Variants in MUSK observed in about 807,000 individuals in gnomAD.
MUSK encodes muscle associated receptor tyrosine kinase, also known as muscle, skeletal receptor tyrosine-protein kinase.
Under a neutral mutation model 88.7 loss-of-function variants are expected in MUSK, and 55 were observed. The observed-to-expected ratio is 0.62, with a 90% CI of 0.50 to 0.78. MUSK has a LOEUF of 0.78. MUSK is among the 30% of genes least tolerant of loss of function. The pLI, the probability that MUSK is intolerant of heterozygous loss-of-function variation, is 0.00. For missense variants in MUSK, 1,015 were observed against 1,074.3 expected, an observed-to-expected ratio of 0.94 and a Z score of 0.77; for synonymous variants, 387 against 391.9, an observed-to-expected ratio of 0.99 and a Z score of 0.15.
chr9:110,696,277 C>CAA (rs56335634), intron 4 of MUSK, among the ~76,000 whole-genome samples: 19 of 140,076 alleles, frequency 1.4e-4, no homozygotes, highest in East Asian at 8.3e-4. Context: ...GACTCCATCT[C>CAA]AAAAAAAAAA....
intron 5 of MUSK, among the ~76,000 whole-genome samples, chr9:110,721,903 A>AAAAT (rs1260448511): frequency 2.6e-5 from 4 of 152,316 alleles, no homozygotes; most frequent in African/African-American, 9.6e-5. Context: ...CACAGAGATC[A>AAAAT]GTGGAACTGA....
chr9:110,751,876 T>G (rs753555196), intron 7 of MUSK, among the ~76,000 whole-genome samples: 1 of 151,984 alleles, frequency 6.6e-6, no homozygotes, highest in Non-Finnish European at 1.5e-5. Context: ...ATGTTCGGAG[T>G]CAAGTAAAGA....
At chr9:110,723,915 A>G (rs1254911080) in intron 5 of MUSK, among the ~76,000 whole-genome samples, 1 of 152,006 alleles carries the variant, frequency 6.6e-6, no homozygotes, top group Non-Finnish European at 1.5e-5. Context: ...ACACTCCTGT[A>G]AGCATATATT....
chr9:110,683,152 A>T (rs1300944264), intron 2 of MUSK, among the ~76,000 whole-genome samples: 21 of 152,006 alleles, frequency 1.4e-4, no homozygotes, highest in Admixed American at 1.3e-3. Context: ...AGCCTCTGGT[A>T]ACCATCCTTT....
At position 110,761,567 on chromosome 9, in the gene MUSK, C is replaced by CTTTT. The variant is rs1168716499; in HGVS notation, c.914-612_914-609dup. Among the ~76,000 whole-genome samples the CTTTT allele has an allele frequency of 1.7e-4, 9 of 52,740 alleles. 2 individuals carry two copies. The highest frequency in any genetic ancestry group is 2.9e-4 in the Non-Finnish European group (8 of 28,062). 34.6% of individuals were successfully genotyped at this position (52,740 alleles called of 152,430 possible). ...CTTCTCTGTTAACCTCCACATCTTGCTTTTTTTTTTTTTTTTTTTTTTTTT... is the reference window on the plus strand; with the variant it reads ...CTTCTCTGTTAACCTCCACATCTTGCTTTTTTTTTTTTTTTTTTTTTTTTTTTTT... On this transcript the variant is annotated intron_variant, in intron 7 of 14. Transcript: ENST00000374448.
At chr9:110,679,716 TTTTA>T (rs1030967418) in intron 1 of MUSK, among the ~76,000 whole-genome samples, 15 of 152,192 alleles carry the variant, frequency 9.9e-5, no homozygotes, top group African/African-American at 3.1e-4. Flanking sequence ...AATTTTTGAA[TTTTA>T]TTTATTTTTT....
intron 8 of MUSK, 99 bp downstream of exon 8, chr9:110,762,307 C>A: frequency 1.1e-6 from 1 of 894,370 alleles, no homozygotes; most frequent in Non-Finnish European, 1.6e-6. Context: ...GTTGCCCAGG[C>A]TGGAGTGCGG....
In MUSK at chr9:110,674,714, TC is replaced by T. The variant is rs376441151; in HGVS notation, c.79+5733del. Among the ~76,000 whole-genome samples the T allele has an allele frequency of 8.6e-4, 131 of 152,178 alleles. 3 individuals are homozygous for T. In the South Asian group the frequency reaches 0.021, roughly 25 times the overall value. On this transcript the variant is annotated intron_variant, in intron 1 of 14. Coordinates refer to ENST00000374448, the MANE Select transcript of MUSK (RefSeq NM_005592.4). ...ACTTTGAACTCCTAGGCTCAGTTGA[TC>T]CTCCCACCTCAGCTTCTTCCCAAGT... is the stretch of plus-strand genomic sequence containing the variant.
intron 7 of MUSK, among the ~76,000 whole-genome samples, chr9:110,755,951 C>T (rs62571375): frequency 0.5 from 50,630 of 100,734 alleles, 12,681 homozygotes; most frequent in Non-Finnish European, 0.58. Context: ...TATATATATA[C>T]ACATATATAT....
chr9:110,686,980 A>G (rs1046843126), intron 2 of MUSK, 137 bp from the exon 3 acceptor site: 4 of 706,728 alleles, frequency 5.7e-6, no homozygotes, highest in Admixed American at 5.5e-5. Context: ...AGGTTATTCT[A>G]TTATTCAGAA....
Position 110,776,004 on chromosome 9 carries a change from A to G in MUSK, c.1360+41A>G, listed in dbSNP as rs369628497. 3.4e-4 allele frequency: 523 copies of G among 1,543,360 alleles called. 1 individual carries two copies. Among genetic ancestry groups the G allele is most frequent in the Non-Finnish European group, 4.5e-4 (512 of 1,145,810 alleles). ...CCCAAGACTTTGGAGGTTAAGAGAA[A>G]TTTACTATTTTGAAGAAACTAAGGT... is the stretch of plus-strand genomic sequence containing the variant. On this transcript the variant is annotated intron_variant, in intron 10 of 14. Coordinates refer to ENST00000374448, the MANE Select transcript of MUSK (RefSeq NM_005592.4).
At chr9:110,734,224 C>T (rs2077000049) in intron 5 of MUSK, 27 bp from the exon 6 acceptor site, 2 of 1,597,184 alleles carry the variant, frequency 1.3e-6, no homozygotes, top group South Asian at 1.1e-5. Context: ...GCAGGAGCGT[C>T]ACTCACCACT....
intron 7 of MUSK, among the ~76,000 whole-genome samples, chr9:110,748,501 AT>A (rs1402907486): frequency 1.3e-5 from 2 of 152,150 alleles, no homozygotes; most frequent in Non-Finnish European, 2.9e-5. Context: ...CTAAAGGTTT[AT>A]TTTTAAAATG....
chr9:110,723,879 G>T (rs2076849225), intron 5 of MUSK, among the ~76,000 whole-genome samples: 1 of 151,942 alleles, frequency 6.6e-6, no homozygotes, highest in African/African-American at 2.4e-5. Flanking sequence ...TAACCTCTCT[G>T]CTCTTCCTTC....
At chr9:110,740,778 G>A (rs1378492633) in intron 6 of MUSK, among the ~76,000 whole-genome samples, 1 of 152,110 alleles carries the variant, frequency 6.6e-6, no homozygotes, top group Non-Finnish European at 1.5e-5. Context: ...AAAGATAGAA[G>A]GGAAGAGCAT....
chr9:110,673,772 T>C (rs2075990596), intron 1 of MUSK, among the ~76,000 whole-genome samples: 1 of 152,168 alleles, frequency 6.6e-6, no homozygotes, highest in Admixed American at 6.5e-5. Flanking sequence ...GCATAAAGTT[T>C]CTCTCTTATA....
At chr9:110,761,613 G>A (rs1263526384) in intron 7 of MUSK, among the ~76,000 whole-genome samples, 1 of 109,614 alleles carries the variant, frequency 9.1e-6, no homozygotes, top group Non-Finnish European at 1.7e-5. Context: ...TCTCGCTGTC[G>A]CCCAGGCTGG....
At chr9:110,704,226 T>C (rs906987147) in intron 5 of MUSK, among the ~76,000 whole-genome samples, 1 of 152,234 alleles carries the variant, frequency 6.6e-6, no homozygotes, top group African/African-American at 2.4e-5. Flanking sequence ...AGTAAAAAGT[T>C]GTAAAGAACT....
chr9:110,705,082 T>A lies in MUSK; in HGVS notation c.628+7616T>A, dbSNP rs1255771911. On this transcript the variant is annotated intron_variant, in intron 5 of 14. Coordinates refer to ENST00000374448, the MANE Select transcript of MUSK (RefSeq NM_005592.4). ...CTTTTTGCATCTTTATAAAGAGAACTTTATAATTAGGAAGAATTAATACAT... is the reference window on the plus strand; with the variant it reads ...CTTTTTGCATCTTTATAAAGAGAACATTATAATTAGGAAGAATTAATACAT... 2.0e-5 allele frequency among the ~76,000 whole-genome samples: 3 copies of A among 152,122 alleles called. No individual in the cohort carries two copies. In the East Asian group the frequency reaches 5.8e-4, roughly 29 times the overall value.
Sources: gnomAD v4.1 joint callset for allele counts (sites outside exome capture counted in the v4.1 genomes callset) on GRCh38, gnomAD v4.1.1 for gene constraint, MANE v1.5 for transcripts, NCBI Gene and HGNC (gene_info 2026-07-23, HGNC 2026-07-21) for gene names.